Variants in GPA33 observed in about 807,000 individuals in gnomAD.
GPA33 encodes cell surface A33 antigen.
In GPA33, 27 loss-of-function variants were observed where a neutral mutation model predicts 35.6. The observed-to-expected ratio is 0.76, with a 90% CI of 0.56 to 1.04. The LOEUF is 1.04. Among genes scored for constraint, GPA33 ranks in the 50% least tolerant of loss-of-function variants. GPA33 has a pLI of 0.00. For missense variants in GPA33, 428 were observed against 411.9 expected (o/e 1.04, Z -0.34); for synonymous variants, 176 against 164.0 (o/e 1.07, Z -0.56).
At chr1:167,082,119 G>A in intron 1 of GPA33, 1 of 387,636 alleles carries the variant, frequency 2.6e-6, no homozygotes, top group Non-Finnish European at 5.1e-6. Flanking sequence ...GCATATATAA[G>A]GGAATAAAGC....
intron 1 of GPA33, among the ~76,000 whole-genome samples, chr1:167,079,501 A>AT (rs1666884512): frequency 6.6e-6 from 1 of 151,056 alleles, no homozygotes; most frequent in Non-Finnish European, 1.5e-5. Context: ...AAAAAAAAAA[A>AT]GAAAAAAAAG....
chr1:167,066,506 C>A (rs1316496080), intron 3 of GPA33, among the ~76,000 whole-genome samples: 1 of 152,200 alleles, frequency 6.6e-6, no homozygotes, highest in Non-Finnish European at 1.5e-5. Flanking sequence ...CACCCAGGAA[C>A]CCCTGCTCTC....
chr1:167,065,710 G>A (rs888731323), intron 3 of GPA33, among the ~76,000 whole-genome samples: 2 of 152,170 alleles, frequency 1.3e-5, no homozygotes, highest in Non-Finnish European at 2.9e-5. Flanking sequence ...GCTATTGTTG[G>A]GTGTGCCCAA....
intron 3 of GPA33, among the ~76,000 whole-genome samples, chr1:167,064,427 C>G (rs1666544405): frequency 6.6e-6 from 1 of 152,200 alleles, no homozygotes; most frequent in South Asian, 2.1e-4. Flanking sequence ...AGATCCTGTG[C>G]ACTCTCCACC....
At chr1:167,061,995 C>T (rs868792878) in intron 4 of GPA33, among the ~76,000 whole-genome samples, 4 of 152,046 alleles carry the variant, frequency 2.6e-5, no homozygotes, top group South Asian at 2.1e-4. Flanking sequence ...ATTCTTCCCC[C>T]GGGTCCTCAT....
At chr1:167,075,019 A>C (rs1666796668) in intron 1 of GPA33, among the ~76,000 whole-genome samples, 1 of 147,516 alleles carries the variant, frequency 6.8e-6, no homozygotes, top group African/African-American at 2.5e-5. Context: ...CTCCTGCCTC[A>C]GCCTCCCGAG....
intron 1 of GPA33, among the ~76,000 whole-genome samples, chr1:167,081,540 T>C (rs1194968298): frequency 6.6e-6 from 1 of 152,228 alleles, no homozygotes; most frequent in Non-Finnish European, 1.5e-5. Flanking sequence ...TCATTCAACA[T>C]GATTCTTTAT....
At chr1:167,085,047 G>A (rs1667022424) in intron 1 of GPA33, among the ~76,000 whole-genome samples, 1 of 152,216 alleles carries the variant, frequency 6.6e-6, no homozygotes, top group Admixed American at 6.5e-5. Context: ...TCTAAGTTGA[G>A]AAGTCATGTG....
At chr1:167,069,314 A>G (rs1405451709) in intron 2 of GPA33, among the ~76,000 whole-genome samples, 176 bp from the exon 3 acceptor site, 16 of 152,180 alleles carry the variant, frequency 1.1e-4, no homozygotes, top group Admixed American at 1.0e-3. Flanking sequence ...CTTGTATTAT[A>G]TATATATTTT....
intron 4 of GPA33, among the ~76,000 whole-genome samples, chr1:167,061,466 A>G (rs1666439820): frequency 1.3e-5 from 2 of 152,136 alleles, no homozygotes; most frequent in Admixed American, 6.5e-5. Context: ...TTCAACAAAA[A>G]TTCCAGACAC....
chr1:167,072,060 A>G (rs1666733004), intron 2 of GPA33, among the ~76,000 whole-genome samples: 1 of 151,912 alleles, frequency 6.6e-6, no homozygotes, highest in South Asian at 2.1e-4. Flanking sequence ...TTACCCTGGG[A>G]CTCTGGGAGC....
At chr1:167,069,320 A>T (rs543873984) in intron 2 of GPA33, among the ~76,000 whole-genome samples, 182 bp from the exon 3 acceptor site, 15 of 152,132 alleles carry the variant, frequency 9.9e-5, no homozygotes, top group South Asian at 2.1e-4. Flanking sequence ...TTATATATAT[A>T]TTTTTTTAGT....
At chr1:167,084,096 A>G (rs1667007270) in intron 1 of GPA33, among the ~76,000 whole-genome samples, 2 of 152,204 alleles carry the variant, frequency 1.3e-5, no homozygotes, top group African/African-American at 2.4e-5. Flanking sequence ...CTTATCGGCC[A>G]TGACAACGAT....
At chr1:167,078,892 A>T (rs1666873611) in intron 1 of GPA33, among the ~76,000 whole-genome samples, 1 of 152,236 alleles carries the variant, frequency 6.6e-6, no homozygotes, top group South Asian at 2.1e-4. Context: ...TACTTTGTTT[A>T]GAATAGTTCC....
In GPA33 at chr1:167,073,454, G is replaced by A. The variant is rs778852626; in HGVS notation, c.129C>T (p.Cys43=). The A allele has an allele frequency of 6.2e-7, 1 of 1,612,948 alleles. No homozygotes were observed. The highest frequency in any genetic ancestry group is 1.1e-5 in the South Asian group (1 of 91,054). The change falls in exon 2 of 7, where the codon TGC becomes TGT. Residue 43 remains cysteine, a synonymous_variant. Transcript: ENST00000367868. The part of the protein sequence containing the change: ...ASQGKSVTLP[C]TYHTSTSSRE... ...GACTGGAGGTGGAAGTGTGGTAGGT[G>A]CAGGGCAGGGTGACACTCTTTCCCT...
chr1:167,063,283 C>T (rs1158406264), intron 4 of GPA33, among the ~76,000 whole-genome samples: 1 of 152,148 alleles, frequency 6.6e-6, no homozygotes, highest in Non-Finnish European at 1.5e-5. Flanking sequence ...GTGGTGGGCA[C>T]CTGTAATCCT....
chr1:167,074,296 C>A (rs1248373526), intron 1 of GPA33, among the ~76,000 whole-genome samples: 1 of 151,862 alleles, frequency 6.6e-6, no homozygotes, highest in East Asian at 1.9e-4. Flanking sequence ...TCATAAAAGG[C>A]CATTCTCTTC....
At chr1:167,060,456 T>A (rs1666413672) in intron 4 of GPA33, among the ~76,000 whole-genome samples, 1 of 152,164 alleles carries the variant, frequency 6.6e-6, no homozygotes, top group Non-Finnish European at 1.5e-5. Flanking sequence ...CCGCAATGTC[T>A]CCAGATGCCA....
intron 4 of GPA33, chr1:167,058,389 A>G (rs1448127184): frequency 6.6e-6 from 1 of 152,176 alleles, no homozygotes; most frequent in East Asian, 1.9e-4. Context: ...CCCAAAGAAG[A>G]CAGACATGAA....
Sources: allele counts gnomAD v4.1 joint callset (sites outside exome capture counted in the v4.1 genomes callset), GRCh38; gene constraint gnomAD v4.1.1; transcripts MANE v1.5; gene names NCBI Gene and HGNC (gene_info 2026-07-23, HGNC 2026-07-21).